Variants in ROBO1 observed in about 807,000 individuals in gnomAD.
ROBO1 encodes roundabout guidance receptor 1.
Under a neutral mutation model 195.9 loss-of-function variants are expected in ROBO1, and 149 were observed. That is an observed-to-expected ratio of 0.76 (90% CI 0.67 to 0.87). The LOEUF is 0.87. ROBO1 is among the 40% of genes least tolerant of loss of function. The pLI is 0.00. For missense variants in ROBO1, 1,933 were observed against 2,068.3 expected (o/e 0.93, Z 1.27); for synonymous variants, 816 against 733.2 (o/e 1.11, Z -1.82).
intron 4 of ROBO1, among the ~76,000 whole-genome samples, chr3:78,853,402 T>C (rs2034197274): frequency 6.6e-6 from 1 of 150,906 alleles, no homozygotes; most frequent in Admixed American, 6.6e-5. Flanking sequence ...TGTGCATATA[T>C]ATACAGTATA....
chr3:78,749,931 G>A (rs1268123899), intron 4 of ROBO1, among the ~76,000 whole-genome samples: 1 of 152,092 alleles, frequency 6.6e-6, no homozygotes, highest in Non-Finnish European at 1.5e-5. Context: ...AGAGCAAGTA[G>A]CATGCATAGT....
intron 1 of ROBO1, among the ~76,000 whole-genome samples, chr3:79,700,345 G>GTGTGTA (rs1947586244): frequency 6.6e-6 from 1 of 150,922 alleles, no homozygotes; most frequent in African/African-American, 2.4e-5. Context: ...GTGTGTGTGT[G>GTGTGTA]TGTCTTTCTG....
chr3:79,052,486 A>G (rs1281413532), intron 3 of ROBO1, among the ~76,000 whole-genome samples: 1 of 151,860 alleles, frequency 6.6e-6, no homozygotes, highest in Non-Finnish European at 1.5e-5. Context: ...GTGATATTTT[A>G]TTGCCTTTGA....
At chr3:79,371,182 A>AT (rs1413555728) in intron 2 of ROBO1, among the ~76,000 whole-genome samples, 2 of 152,164 alleles carry the variant, frequency 1.3e-5, no homozygotes, top group African/African-American at 4.8e-5. Context: ...AATGATTTAT[A>AT]ACCCTTTGGG....
intron 2 of ROBO1, among the ~76,000 whole-genome samples, chr3:79,238,583 T>C (rs771756469): frequency 2.6e-5 from 4 of 152,220 alleles, no homozygotes; most frequent in Admixed American, 6.5e-5. Context: ...GAGATAGTAA[T>C]AGTTTTTGCT....
At chr3:79,519,744 A>G (rs1220609288) in intron 2 of ROBO1, among the ~76,000 whole-genome samples, 1 of 152,168 alleles carries the variant, frequency 6.6e-6, no homozygotes, top group South Asian at 2.1e-4. Flanking sequence ...TAATTAAGCC[A>G]GAATAGTGGG....
At chr3:79,285,170 T>A (rs1181044985) in intron 2 of ROBO1, among the ~76,000 whole-genome samples, 3 of 152,186 alleles carry the variant, frequency 2.0e-5, no homozygotes, top group African/African-American at 7.2e-5. Flanking sequence ...AGTTTATATA[T>A]GGCTAACCGA....
At chr3:79,694,988 T>C (rs1366519203) in intron 1 of ROBO1, among the ~76,000 whole-genome samples, 1 of 151,522 alleles carries the variant, frequency 6.6e-6, no homozygotes, top group Non-Finnish European at 1.5e-5. Flanking sequence ...TTTCTCTGTT[T>C]TCCCATTTTT....
intron 1 of ROBO1, among the ~76,000 whole-genome samples, chr3:79,650,455 A>G (rs1214929609): frequency 6.6e-6 from 1 of 151,802 alleles, no homozygotes; most frequent in African/African-American, 2.4e-5. Flanking sequence ...CTGATATAAT[A>G]GGCAAGTTTT....
intron 1 of ROBO1, among the ~76,000 whole-genome samples, chr3:79,624,808 T>C (rs1165364349): frequency 6.6e-6 from 1 of 152,040 alleles, no homozygotes; most frequent in East Asian, 1.9e-4. Flanking sequence ...AAAATTAACA[T>C]GGATATTCAA....
At position 78,617,732 on chromosome 3, in the gene ROBO1, G is replaced by C. The variant is rs763385074; in HGVS notation, c.4185C>G (p.Gly1395=). 1 of 1,613,940 alleles carries C rather than the reference G, an allele frequency of 6.2e-7. No individual in the cohort carries two copies. Among genetic ancestry groups the C allele is most frequent in the Non-Finnish European group, 8.5e-7 (1 of 1,179,870 alleles). Residue 1395 remains glycine (G), a synonymous_variant, in exon 27 of 31, where the codon GGC becomes GGG. Transcript: ENST00000464233. ...SGRSSVSSSD[G]SFFTDADFAQ... ...CAAAGTCAGCATCAGTGAAAAAGGA[G>C]CCGTCCGAAGAACTAACACTGGAGC... is the stretch of plus-strand genomic sequence containing the variant.
At chr3:78,750,178 G>A (rs999219814) in intron 4 of ROBO1, among the ~76,000 whole-genome samples, 6 of 151,984 alleles carry the variant, frequency 3.9e-5, no homozygotes, top group Non-Finnish European at 5.9e-5. Flanking sequence ...TCACTGGGCC[G>A]GGCGCAGTGG....
chr3:79,117,637 C>T (rs1218707231), intron 3 of ROBO1, among the ~76,000 whole-genome samples: 1 of 152,172 alleles, frequency 6.6e-6, no homozygotes, highest in Non-Finnish European at 1.5e-5. Context: ...GCATAACCTA[C>T]TGTAATACCC....
chr3:78,956,639 C>A (rs1156246062), intron 3 of ROBO1, among the ~76,000 whole-genome samples: 1 of 152,088 alleles, frequency 6.6e-6, no homozygotes, highest in Non-Finnish European at 1.5e-5. Context: ...TTAAGTGATG[C>A]CATAGGCATT....
intron 1 of ROBO1, among the ~76,000 whole-genome samples, chr3:79,731,736 C>T (rs1427858788): frequency 6.6e-6 from 1 of 152,094 alleles, no homozygotes; most frequent in Non-Finnish European, 1.5e-5. Context: ...CCCTAGCATA[C>T]CCAAATGTTA....
chr3:78,773,270 C>T (rs2083423842), intron 4 of ROBO1, among the ~76,000 whole-genome samples: 2 of 151,828 alleles, frequency 1.3e-5, no homozygotes, highest in African/African-American at 4.8e-5. Context: ...TGGTTTAATC[C>T]TAAAATCAGT....
At chr3:79,492,592 A>G (rs913533090) in intron 2 of ROBO1, among the ~76,000 whole-genome samples, 2 of 152,084 alleles carry the variant, frequency 1.3e-5, no homozygotes, top group Non-Finnish European at 2.9e-5. Context: ...AAATAAATGT[A>G]TTATGGGAAT....
intron 10 of ROBO1, among the ~76,000 whole-genome samples, chr3:78,673,605 T>TATAC (rs779997525): frequency 0.059 from 3,027 of 50,932 alleles, 92 homozygotes; most frequent in Middle Eastern, 0.086. Context: ...TATATATATA[T>TATAC]ACACACATAT....
intron 2 of ROBO1, among the ~76,000 whole-genome samples, chr3:79,552,808 T>C (rs771015574): frequency 1.3e-5 from 2 of 152,110 alleles, no homozygotes; most frequent in African/African-American, 4.8e-5. Flanking sequence ...GCATTGCTCA[T>C]ATGTGCATTT....
Sources: gnomAD v4.1 joint callset for allele counts (sites outside exome capture counted in the v4.1 genomes callset) on GRCh38, gnomAD v4.1.1 for gene constraint, MANE v1.5 for transcripts, NCBI Gene and HGNC (gene_info 2026-07-23, HGNC 2026-07-21) for gene names.